The following DIP2C variants were observed in gnomAD, a reference collection of about 807,000 sequenced individuals.
The protein encoded by DIP2C is disco-interacting protein 2 homolog C.
In DIP2C, 33 loss-of-function variants were observed where a neutral mutation model predicts 192.4. The observed-to-expected ratio is 0.17, with a 90% CI of 0.13 to 0.23. DIP2C has a LOEUF of 0.23. Ranked by LOEUF, DIP2C falls within the 10% of genes least tolerant of loss-of-function variation. The pLI is 1.00. For missense variants in DIP2C, 1,537 were observed against 2,110.1 expected, an observed-to-expected ratio of 0.73 and a Z score of 5.32; for synonymous variants, 979 against 864.1, an observed-to-expected ratio of 1.13 and a Z score of -2.33.
At chr10:620,144 A>G (rs1853764972) in intron 1 of DIP2C, among the ~76,000 whole-genome samples, 1 of 152,212 alleles carries the variant, frequency 6.6e-6, no homozygotes, top group Admixed American at 6.5e-5. Context: ...ATCTGGCTGG[A>G]CGGAGAGCAT....
chr10:449,387 T>C (rs978120902), intron 3 of DIP2C, among the ~76,000 whole-genome samples: 28 of 152,078 alleles, frequency 1.8e-4, no homozygotes, highest in African/African-American at 6.5e-4. Context: ...CTGAGAAAAT[T>C]TGTTTTTAGT....
chr10:363,461 A>C lies in DIP2C; in HGVS notation c.2478-150T>G. On this transcript the variant is annotated intron_variant, in intron 20 of 36. Coordinates refer to ENST00000280886, the MANE Select transcript of DIP2C (RefSeq NM_014974.3). The surrounding 1 kb of genome is among the most constrained non-coding windows in gnomAD (Gnocchi z 5.4). The stretch of plus-strand genomic sequence containing the variant: ...CCGCTGTACTTCCGAATTTCCCCAC[A>C]CTCATCAGTACGGGAAGAACTGTGG... 1.5e-6 allele frequency: 1 copy of C among 671,964 alleles called. No homozygotes were observed. Among genetic ancestry groups the C allele is most frequent in the Non-Finnish European group, 2.6e-6 (1 of 389,516 alleles). 41.6% of individuals were successfully genotyped at this position (671,964 alleles called of 1,614,324 possible). A position where few individuals can be genotyped will look rare whatever the true frequency, so the allele number is the denominator to read the frequency against.
intron 1 of DIP2C, among the ~76,000 whole-genome samples, chr10:574,396 C>A (rs1448834939): frequency 1.3e-5 from 2 of 152,148 alleles, no homozygotes; most frequent in Admixed American, 1.3e-4. Context: ...GTAGAATATG[C>A]TTTGGAAAGC....
intron 17 of DIP2C, among the ~76,000 whole-genome samples, chr10:379,673 T>G (rs1962148334): frequency 6.6e-6 from 1 of 152,258 alleles, no homozygotes; most frequent in African/African-American, 2.4e-5. Context: ...GGGCCAAAAT[T>G]CTACAAATAG....
chr10:620,589 A>C (rs1247375422), intron 1 of DIP2C, among the ~76,000 whole-genome samples: 1 of 152,232 alleles, frequency 6.6e-6, no homozygotes, highest in Non-Finnish European at 1.5e-5. Context: ...CACTAACCAC[A>C]GCTTCTCCAA....
chr10:592,760 A>G (rs1001818187), intron 1 of DIP2C, among the ~76,000 whole-genome samples: 1 of 152,138 alleles, frequency 6.6e-6, no homozygotes, highest in African/African-American at 2.4e-5. Flanking sequence ...TTCCTTTGAC[A>G]AGCTTCAAAA....
chr10:601,758 C>CAGGGAAGGGGGAACA (rs1405206956), intron 1 of DIP2C, among the ~76,000 whole-genome samples: 1 of 152,222 alleles, frequency 6.6e-6, no homozygotes, highest in East Asian at 1.9e-4. Context: ...CTCTCCTTCA[C>CAGGGAAGGGGGAACA]AGGGAAGGGG....
chr10:426,471 A>G (rs1166358698), intron 4 of DIP2C, among the ~76,000 whole-genome samples: 2 of 152,234 alleles, frequency 1.3e-5, no homozygotes, highest in African/African-American at 2.4e-5. Context: ...ATAAAATCCC[A>G]GAAGGCTTTG....
chr10:408,278 TTATTC>T (rs1192134009), intron 9 of DIP2C, among the ~76,000 whole-genome samples: 1 of 150,668 alleles, frequency 6.6e-6, no homozygotes, highest in Non-Finnish European at 1.5e-5. Context: ...TCTGGGCCCT[TTATTC>T]TGTTCCACTG....
intron 1 of DIP2C, among the ~76,000 whole-genome samples, chr10:508,742 CAGA>C (rs1224904082): frequency 6.6e-6 from 1 of 152,106 alleles, no homozygotes; most frequent in Admixed American, 6.5e-5. Flanking sequence ...CCGCAGCGTC[CAGA>C]AGAAGCCACT....
chr10:534,001 T>TAA (rs34809873), intron 1 of DIP2C, among the ~76,000 whole-genome samples: 116 of 148,730 alleles, frequency 7.8e-4, no homozygotes, highest in African/African-American at 1.8e-3. Flanking sequence ...TGACATGCTT[T>TAA]AAAAAAAAAA....
intron 2 of DIP2C, among the ~76,000 whole-genome samples, chr10:482,769 C>T (rs894974136): frequency 1.6e-4 from 25 of 152,314 alleles, no homozygotes; most frequent in African/African-American, 5.8e-4. Flanking sequence ...TCCAAGTCGA[C>T]ACTGTTATTA....
chr10:612,905 G>A (rs943499182), intron 1 of DIP2C, among the ~76,000 whole-genome samples: 7 of 152,196 alleles, frequency 4.6e-5, no homozygotes, highest in Non-Finnish European at 1.0e-4. Flanking sequence ...CTGACTTGCT[G>A]GTTTACTGTT....
chr10:578,532 A>T (rs1369253593), intron 1 of DIP2C, among the ~76,000 whole-genome samples: 1 of 152,206 alleles, frequency 6.6e-6, no homozygotes, highest in Non-Finnish European at 1.5e-5. Context: ...CACATCAAGG[A>T]AGTGATTGGT....
chr10:308,306 G>A (rs144432991), intron 32 of DIP2C, among the ~76,000 whole-genome samples: 2,229 of 150,178 alleles, frequency 0.015, 35 homozygotes, highest in Non-Finnish European at 0.021. Context: ...GGCATGCAGT[G>A]GTGTGTGGGA....
chr10:486,619 G>GAAGATACTGTGA, intron 1 of DIP2C, 89 bp from the exon 2 acceptor site: 1 of 1,096,074 alleles, frequency 9.1e-7, no homozygotes, highest in Non-Finnish European at 1.3e-6. Flanking sequence ...AGTTATCACA[G>GAAGATACTGTGA]TATCTTCTGT....
chr10:678,678 C>T (rs539760681), intron 1 of DIP2C, among the ~76,000 whole-genome samples: 5 of 13,878 alleles, frequency 3.6e-4, no homozygotes, highest in African/African-American at 5.5e-4. Context: ...CAGCTCCCCA[C>T]GCCCATGCTC....
chr10:346,306 C>G (rs1958448973), intron 26 of DIP2C, among the ~76,000 whole-genome samples: 1 of 89,960 alleles, frequency 1.1e-5, no homozygotes, highest in Non-Finnish European at 2.1e-5. Flanking sequence ...CCGGAAACGT[C>G]ACACACACCC....
intron 2 of DIP2C, among the ~76,000 whole-genome samples, chr10:480,746 C>T (rs540860192): frequency 1.8e-4 from 27 of 152,330 alleles, no homozygotes; most frequent in Non-Finnish European, 3.2e-4. Flanking sequence ...AATAAACGTA[C>T]GGGATCAAAC....
Sources: gnomAD v4.1 joint callset for allele counts (sites outside exome capture counted in the v4.1 genomes callset) on GRCh38, gnomAD v4.1.1 for gene constraint, Gnocchi (gnomAD v3.1) non-coding constraint, MANE v1.5 for transcripts, NCBI Gene and HGNC (gene_info 2026-07-23, HGNC 2026-07-21) for gene names.